PDE4B: variants seen among roughly 807,000 people sequenced by gnomAD.
PDE4B encodes phosphodiesterase 4B, also known as 3',5'-cyclic-AMP phosphodiesterase 4B.
In PDE4B, 20 loss-of-function variants were observed where a neutral mutation model predicts 82.2. The ratio of observed to expected loss-of-function variants is 0.24; its 90% confidence interval spans 0.17 to 0.35. PDE4B has a LOEUF of 0.35. Among genes scored for constraint, PDE4B ranks in the 10% least tolerant of loss-of-function variants. PDE4B has a pLI of 1.00. For missense variants in PDE4B, 655 were observed against 907.2 expected, an observed-to-expected ratio of 0.72 and a Z score of 3.57; for synonymous variants, 320 against 318.9, an observed-to-expected ratio of 1.00 and a Z score of -0.04.
At chr1:65,815,453 T>A (rs1645871842) in intron 1 of PDE4B, among the ~76,000 whole-genome samples, 1 of 151,974 alleles carries the variant, frequency 6.6e-6, no homozygotes, top group Non-Finnish European at 1.5e-5. Context: ...CAACCAAAAT[T>A]AAAAATTAAA....
intron 1 of PDE4B, among the ~76,000 whole-genome samples, chr1:65,799,581 T>C (rs1557753405): frequency 6.6e-6 from 1 of 152,222 alleles, no homozygotes; most frequent in South Asian, 2.1e-4. Flanking sequence ...TTTTGTGTTA[T>C]ACTCATGCAC....
intron 9 of PDE4B, 121 bp from the exon 10 acceptor site, chr1:66,361,494 G>A: frequency 1.4e-6 from 1 of 721,146 alleles, no homozygotes; most frequent in South Asian, 2.1e-5. Context: ...GTGAAATAGT[G>A]CTACAAGATT....
chr1:66,322,635 G>C (rs1286444026), intron 7 of PDE4B, among the ~76,000 whole-genome samples: 1 of 151,976 alleles, frequency 6.6e-6, no homozygotes, highest in African/African-American at 2.4e-5. Context: ...AGTTAGAATG[G>C]TGATCATTAA....
At chr1:66,059,074 A>G (rs6588184) in intron 3 of PDE4B, among the ~76,000 whole-genome samples, 127,770 of 152,134 alleles carry the variant, frequency 0.84, 53,834 homozygotes, top group Non-Finnish European at 0.87. Context: ...TTTTTCCACC[A>G]TATACCCTCA....
intron 3 of PDE4B, among the ~76,000 whole-genome samples, chr1:66,138,545 A>G (rs990233257): frequency 2.6e-4 from 39 of 152,264 alleles, no homozygotes; most frequent in African/African-American, 9.1e-4. Context: ...TTCAAAAGAA[A>G]AGTAATAATA....
In PDE4B at chr1:66,201,048, G is replaced by A. The variant is rs1008744884; in HGVS notation, c.282-46412G>A. Among the ~76,000 whole-genome samples the A allele has an allele frequency of 1.2e-4, 18 of 152,104 alleles. No homozygotes were observed. The East Asian group carries it at 3.5e-3, about 29-fold the overall frequency. Reference sequence around the variant, plus strand: ...AATACCTAATTTATTGAGAGTTTTTGGAATGAAGCATTGTTGAATTTTGTC... The same window carrying A: ...AATACCTAATTTATTGAGAGTTTTTAGAATGAAGCATTGTTGAATTTTGTC... On this transcript the variant is annotated intron_variant, in intron 3 of 16. Transcript: ENST00000341517.
intron 3 of PDE4B, among the ~76,000 whole-genome samples, chr1:66,207,609 T>A (rs1570470840): frequency 1.3e-5 from 2 of 152,198 alleles, no homozygotes; most frequent in East Asian, 3.8e-4. Flanking sequence ...TTTTTTAAAG[T>A]TACTGGGAAA....
intron 7 of PDE4B, among the ~76,000 whole-genome samples, chr1:66,324,339 G>A (rs1659603976): frequency 2.0e-5 from 3 of 151,816 alleles, no homozygotes; most frequent in Admixed American, 1.3e-4. Flanking sequence ...CAATCTCTCT[G>A]TCCTTCTTCT....
chr1:66,237,984 T>G (rs950125548), intron 3 of PDE4B, among the ~76,000 whole-genome samples: 5 of 152,032 alleles, frequency 3.3e-5, no homozygotes, highest in Non-Finnish European at 5.9e-5. Context: ...CAAATAAATA[T>G]AGCAAAAAGC....
intron 7 of PDE4B, among the ~76,000 whole-genome samples, chr1:66,286,568 T>C (rs560589141): frequency 6.6e-6 from 1 of 152,290 alleles, no homozygotes; most frequent in Admixed American, 6.5e-5. Context: ...TTGCTCTGTA[T>C]ACATTTGGGT....
chr1:65,854,252 T>G (rs1460650012), intron 1 of PDE4B, among the ~76,000 whole-genome samples: 1 of 151,632 alleles, frequency 6.6e-6, no homozygotes, highest in Non-Finnish European at 1.5e-5. Context: ...GTTCTTTTTT[T>G]GCTTTAAATA....
At chr1:66,044,016 G>T (rs1011437135) in intron 3 of PDE4B, among the ~76,000 whole-genome samples, 3 of 151,040 alleles carry the variant, frequency 2.0e-5, no homozygotes, top group Non-Finnish European at 4.4e-5. Flanking sequence ...ATGAAGGTCT[G>T]TCAAGTATTA....
At chr1:66,210,000 T>C (rs1649894356) in intron 3 of PDE4B, among the ~76,000 whole-genome samples, 1 of 152,308 alleles carries the variant, frequency 6.6e-6, no homozygotes, top group Non-Finnish European at 1.5e-5. Context: ...ATCCCAGTTT[T>C]ATTGGCTCAT....
intron 3 of PDE4B, among the ~76,000 whole-genome samples, chr1:66,056,726 G>C (rs11208790): frequency 0.52 from 79,474 of 151,838 alleles, 20,927 homozygotes; most frequent in East Asian, 0.58. Context: ...TCATCAGAGA[G>C]ATACAATATT....
intron 16 of PDE4B, among the ~76,000 whole-genome samples, chr1:66,371,094 CTATATATATATATA>C (rs557320202): frequency 0.12 from 8,669 of 74,886 alleles, 449 homozygotes; most frequent in Middle Eastern, 0.26. Flanking sequence ...ACACATCATA[CTATATATATATATA>C]TATATATATA....
At chr1:66,058,037 A>G (rs1256859596) in intron 3 of PDE4B, among the ~76,000 whole-genome samples, 4 of 152,228 alleles carry the variant, frequency 2.6e-5, no homozygotes, top group Non-Finnish European at 5.9e-5. Context: ...AAAGCAAGCT[A>G]GTTACTTCCT....
intron 3 of PDE4B, among the ~76,000 whole-genome samples, chr1:66,185,903 C>A (rs1395698522): frequency 2.0e-5 from 3 of 152,090 alleles, no homozygotes; most frequent in African/African-American, 7.2e-5. Flanking sequence ...GATATGAAGT[C>A]CTTGCCCATG....
intron 3 of PDE4B, among the ~76,000 whole-genome samples, chr1:65,976,197 G>A (rs1361901072): frequency 6.6e-6 from 1 of 152,192 alleles, no homozygotes; most frequent in Non-Finnish European, 1.5e-5. Flanking sequence ...GAATCAGCAT[G>A]CCCTGGATGA....
intron 3 of PDE4B, among the ~76,000 whole-genome samples, chr1:66,041,281 C>G (rs187528020): frequency 1.3e-4 from 20 of 152,034 alleles, no homozygotes; most frequent in Middle Eastern, 6.8e-3. Flanking sequence ...TTTTTACCAT[C>G]CAGTACTCAA....
Sources: gnomAD v4.1 joint callset for allele counts (sites outside exome capture counted in the v4.1 genomes callset) on GRCh38, gnomAD v4.1.1 for gene constraint, MANE v1.5 for transcripts, NCBI Gene and HGNC (gene_info 2026-07-23, HGNC 2026-07-21) for gene names.